Variants in GID4 observed in about 807,000 individuals in gnomAD.
GID4 encodes the protein glucose-induced degradation protein 4 homolog.
Under a neutral mutation model 32.4 loss-of-function variants are expected in GID4, and 7 were observed. The observed-to-expected ratio is 0.22, with a 90% CI of 0.12 to 0.41. The LOEUF is 0.41. Among genes scored for constraint, GID4 ranks in the 10% least tolerant of loss-of-function variants. The pLI is 1.00. For missense variants in GID4, 309 were observed against 400.0 expected (o/e 0.77, Z 1.94); for synonymous variants, 166 against 170.0 (o/e 0.98, Z 0.18).
At chr17:18,045,030 C>A in intron 1 of GID4, 117 bp from the exon 2 acceptor site, 1 of 683,794 alleles carries the variant, frequency 1.5e-6, no homozygotes, top group Non-Finnish European at 2.6e-6. Context: ...GAGCCTTGGA[C>A]TGCCCTGGGT....
chr17:18,039,585 C>T lies in GID4; in HGVS notation c.121C>T (p.Arg41Cys), dbSNP rs2044762738. The T allele has an allele frequency of 7.7e-7, 1 of 1,297,622 alleles. No homozygotes were observed. The highest frequency in any genetic ancestry group is 9.7e-7 in the Non-Finnish European group (1 of 1,026,802). The allele number at this position is 1,297,622 out of a possible 1,614,324, so 80.4% of individuals were successfully genotyped here. The change falls in exon 1 of 6, where the codon CGC becomes TGC. Residue 41 changes from arginine to cysteine, a missense_variant. Around this residue, in one of 2 missense-constraint regions of GID4, gnomAD observed 193 missense variants for 185.8 expected, o/e 1.04. Coordinates refer to ENST00000268719, the MANE Select transcript of GID4 (RefSeq NM_024052.5). This position sits in a 1 kb window ranked among gnomAD's most constrained non-coding sequence, Gnocchi z 5.3. Reference sequence around the variant, plus strand: ...GCTCCGCAGGCAGCGGGCGGGTGGTCGCCCCTCCCGCCCCCACCCCGCGCG... The same window carrying T: ...GCTCCGCAGGCAGCGGGCGGGTGGTTGCCCCTCCCGCCCCCACCCCGCGCG... ...RLLRRQRAGG[R>C]PSRPHPARAR... is the part of the protein sequence containing the mutation.
In GID4 at chr17:18,059,107, G is replaced by T. The variant is rs1465449734; in HGVS notation, c.708+138G>T. 6.6e-6 allele frequency: 4 copies of T among 607,776 alleles called. No homozygotes were observed. In the East Asian group the frequency reaches 1.1e-4, roughly 17 times the overall value. 37.6% of individuals were successfully genotyped at this position (607,776 alleles called of 1,614,324 possible). On this transcript the variant is annotated intron_variant, in intron 4 of 5. Transcript: ENST00000268719. ...TGTCATGGCAAAGTCTTCATGGCAG[G>T]GTCTTTGCACGCCTATAAAAAGTGG... is the stretch of plus-strand genomic sequence containing the variant.
At chr17:18,045,956 G>A (rs1171514529) in intron 2 of GID4, among the ~76,000 whole-genome samples, 1 of 151,958 alleles carries the variant, frequency 6.6e-6, no homozygotes, top group African/African-American at 2.4e-5. Flanking sequence ...AGAAGTACCT[G>A]CTGTGCAGAG....
chr17:18,056,650 A>G, intron 3 of GID4: 1 of 1,524,010 alleles, frequency 6.6e-7, no homozygotes, highest in Non-Finnish European at 8.9e-7. Flanking sequence ...TAGGTTGACT[A>G]CAAATTAAAT....
chr17:18,052,469 G>A (rs2044921588), intron 2 of GID4, among the ~76,000 whole-genome samples: 1 of 152,166 alleles, frequency 6.6e-6, no homozygotes, highest in Non-Finnish European at 1.5e-5. Context: ...TGCAGAATAA[G>A]AGGGGCTTAC....
intron 2 of GID4, among the ~76,000 whole-genome samples, chr17:18,047,648 C>T (rs1290729633): frequency 6.6e-6 from 1 of 152,180 alleles, no homozygotes; most frequent in Admixed American, 6.5e-5. Context: ...CTGCAGATGG[C>T]GTGGCCTCGA....
intron 1 of GID4, among the ~76,000 whole-genome samples, chr17:18,040,839 A>C (rs759538618): frequency 1.3e-5 from 2 of 151,986 alleles, no homozygotes; most frequent in Non-Finnish European, 2.9e-5. Flanking sequence ...AACTCACCCA[A>C]TTTTAGTTCA....
intron 1 of GID4, among the ~76,000 whole-genome samples, chr17:18,043,792 T>G (rs1298035419): frequency 5.9e-5 from 9 of 152,352 alleles, no homozygotes; most frequent in Admixed American, 5.2e-4. Flanking sequence ...CTATTCTAAT[T>G]TCTTGAAATA....
intron 2 of GID4, among the ~76,000 whole-genome samples, chr17:18,047,376 A>G (rs768107271): frequency 6.6e-6 from 1 of 152,270 alleles, no homozygotes; most frequent in African/African-American, 2.4e-5. Context: ...TGTGTAAGGC[A>G]TTGGAATGTT....
At chr17:18,045,077 A>C in intron 1 of GID4, 70 bp from the exon 2 acceptor site, 6 of 1,242,844 alleles carry the variant, frequency 4.8e-6, no homozygotes, top group Non-Finnish European at 7.1e-6. Flanking sequence ...CAGGATTTGC[A>C]GAGTACCCTC....
chr17:18,050,021 C>T (rs929694357), intron 2 of GID4, among the ~76,000 whole-genome samples: 30 of 152,316 alleles, frequency 2.0e-4, no homozygotes, highest in African/African-American at 6.7e-4. Flanking sequence ...GGATAACGGC[C>T]TCTAGCTCTA....
rs10648639 is a variant in GID4, at chr17:18,066,451, AGTGTGTGTGTGTGTGTGTGT to A, written c.*1223_*1242del. The A allele has an allele frequency of 6.8e-6, 1 of 146,610 alleles. No individual in the cohort carries two copies. Among genetic ancestry groups the A allele is most frequent in the Non-Finnish European group, 1.5e-5 (1 of 66,464 alleles). 9.1% of individuals were successfully genotyped at this position (146,610 alleles called of 1,614,324 possible). On this transcript the variant is annotated 3_prime_UTR_variant, in exon 6 of 6. Transcript: ENST00000268719. ...AAATAACTCGAGGCTCACGTGCCAA[AGTGTGTGTGTGTGTGTGTGT>A]GTGTGTGTGTGTGTATGATGTTTTG... is the stretch of plus-strand genomic sequence containing the variant.
At position 18,043,523 on chromosome 17, in the gene GID4, G is replaced by A. The variant is rs61738850; in HGVS notation, c.439-1624G>A. Among the ~76,000 whole-genome samples, 733 of 152,318 alleles carry A rather than the reference G, an allele frequency of 4.8e-3. 4 individuals carry two copies. Among genetic ancestry groups the A allele is most frequent in the Non-Finnish European group, 8.6e-3 (584 of 68,024 alleles). ...TTCTTTGCTGAACCATGTTAGCGTG[G>A]ATTAGCTGTTTTAGATAATGTCCAG... On this transcript the variant is annotated intron_variant, in intron 1 of 5. Coordinates refer to ENST00000268719, the MANE Select transcript of GID4 (RefSeq NM_024052.5).
rs529229797 is a variant in GID4, at chr17:18,039,951, C to T, written c.438+49C>T. Reference sequence around the variant, plus strand: ...CCCGAGGGCCTCCTCGCGGCGCTCACGGGCCGTGCCCGCTTCGGCTCCTCG... The same window carrying T: ...CCCGAGGGCCTCCTCGCGGCGCTCATGGGCCGTGCCCGCTTCGGCTCCTCG... On this transcript the variant is annotated intron_variant, in intron 1 of 5. Coordinates refer to ENST00000268719, the MANE Select transcript of GID4 (RefSeq NM_024052.5). This position sits in a 1 kb window ranked among gnomAD's most constrained non-coding sequence, Gnocchi z 5.3. 48 of 1,302,954 alleles carry T rather than the reference C, an allele frequency of 3.7e-5. 1 individual carries two copies. The South Asian group carries it at 9.3e-4, about 25-fold the overall frequency. 80.7% of individuals were successfully genotyped at this position (1,302,954 alleles called of 1,614,324 possible).
At chr17:18,065,100 C>CT (rs2045048672) in intron 5 of GID4, 80 bp from the exon 6 acceptor site, 1 of 1,022,606 alleles carries the variant, frequency 9.8e-7, no homozygotes, top group Non-Finnish European at 1.6e-6. Flanking sequence ...GGGTGCTCTG[C>CT]TTTTTGAGGG....
intron 5 of GID4, among the ~76,000 whole-genome samples, chr17:18,064,032 C>T (rs896273246): frequency 1.3e-5 from 2 of 152,154 alleles, no homozygotes; most frequent in African/African-American, 2.4e-5. Context: ...TGTGAGCCAC[C>T]GTGCCCGGCC....
chr17:18,058,216 G>A (rs1294841177), intron 3 of GID4, among the ~76,000 whole-genome samples: 1 of 152,212 alleles, frequency 6.6e-6, no homozygotes, highest in African/African-American at 2.4e-5. Context: ...ATTGAATTAG[G>A]TATTATAAGC....
chr17:18,042,267 G>A (rs897015056), intron 1 of GID4, among the ~76,000 whole-genome samples: 1 of 152,066 alleles, frequency 6.6e-6, no homozygotes, highest in Non-Finnish European at 1.5e-5. Flanking sequence ...CCTAATTTTA[G>A]AATATTTTCA....
At position 18,065,275 on chromosome 17, in the gene GID4, G is replaced by A. The variant is rs200487677; in HGVS notation, c.*32G>A. On this transcript the variant is annotated 3_prime_UTR_variant, in exon 6 of 6. Transcript: ENST00000268719. ...TTCAGAACAGCAACCAAATAAAACT[G>A]AACTTGGCAAAAAAGAACTTTGCCG... 145 of 1,569,404 alleles carry A rather than the reference G, an allele frequency of 9.2e-5. No homozygotes were observed. Among genetic ancestry groups the A allele is most frequent in the East Asian group, 7.8e-4 (35 of 44,664 alleles).
Sources: gnomAD v4.1 joint callset for allele counts (sites outside exome capture counted in the v4.1 genomes callset) on GRCh38, gnomAD v4.1.1 for gene constraint, gnomAD v4.1.1 regional missense constraint, Gnocchi (gnomAD v3.1) non-coding constraint, MANE v1.5 for transcripts, NCBI Gene and HGNC (gene_info 2026-07-23, HGNC 2026-07-21) for gene names.